The following DPP10 variants were observed in gnomAD, a reference collection of about 807,000 sequenced individuals.
DPP10 encodes dipeptidyl peptidase like 10.
In DPP10, 33 loss-of-function variants were observed where a neutral mutation model predicts 120.9. The ratio of observed to expected loss-of-function variants is 0.27; its 90% CI spans 0.21 to 0.37. The LOEUF (loss-of-function observed/expected upper bound fraction) is 0.37, where lower values mean the gene tolerates loss of function less well. DPP10 is among the 10% of genes least tolerant of loss of function. DPP10 has a pLI of 1.00. For missense variants in DPP10, 816 were observed against 942.8 expected (o/e 0.87, Z 1.76); for synonymous variants, 337 against 326.1 (o/e 1.03, Z -0.36).
chr2:115,110,396 A>G (rs4848380), intron 1 of DPP10, among the ~76,000 whole-genome samples: 31,316 of 152,088 alleles, frequency 0.21, 3,962 homozygotes, highest in East Asian at 0.36. Context: ...AAATAAATGA[A>G]TTACTAGGAA....
intron 5 of DPP10, among the ~76,000 whole-genome samples, chr2:115,597,993 C>A (rs2083090419): frequency 6.6e-6 from 1 of 151,976 alleles, no homozygotes; most frequent in Non-Finnish European, 1.5e-5. Context: ...CTTCCTCTCC[C>A]TTTTATCATT....
intron 1 of DPP10, among the ~76,000 whole-genome samples, chr2:115,205,308 A>G (rs1449369302): frequency 1.3e-5 from 2 of 152,168 alleles, no homozygotes; most frequent in Non-Finnish European, 2.9e-5. Flanking sequence ...TCTTCTGCAT[A>G]TGGTTAGCCA....
intron 1 of DPP10, among the ~76,000 whole-genome samples, chr2:114,942,298 CATATAT>C (rs752991108): frequency 9.6e-6 from 1 of 104,700 alleles, no homozygotes; most frequent in South Asian, 3.1e-4. Flanking sequence ...TATATATATA[CATATAT>C]ATATATATAT....
intron 21 of DPP10, 43 bp downstream of exon 21, chr2:115,815,772 A>T: frequency 6.5e-7 from 1 of 1,546,234 alleles, no homozygotes; most frequent in Non-Finnish European, 8.9e-7. Flanking sequence ...ATGCGTATCT[A>T]TGTTATGTAA....
intron 1 of DPP10, among the ~76,000 whole-genome samples, chr2:114,724,523 C>T (rs1701914826): frequency 6.6e-6 from 1 of 152,160 alleles, no homozygotes; most frequent in Non-Finnish European, 1.5e-5. Context: ...ACACAATAGA[C>T]TCATACATAC....
rs537588244 is a variant in DPP10, at chr2:115,385,927, C to T, written c.271+42015C>T. Among the ~76,000 whole-genome samples the T allele has an allele frequency of 1.9e-3, 287 of 152,188 alleles. 1 individual carries two copies. The highest frequency in any genetic ancestry group is 5.1e-3 in the African/African-American group (211 of 41,510). On this transcript the variant is annotated intron_variant, in intron 3 of 25. Coordinates refer to ENST00000410059, the MANE Select transcript of DPP10 (RefSeq NM_020868.6). ...TTTCCTCTTTGGTAAACAAAATTTC[C>T]GAAAGACAAGCAAATGGACTGTAAT...
chr2:115,040,205 G>A (rs571486857), intron 1 of DPP10, among the ~76,000 whole-genome samples: 25 of 151,770 alleles, frequency 1.6e-4, no homozygotes, highest in Non-Finnish European at 3.7e-4. Context: ...CATGAGATTT[G>A]GGCAGGGACA....
intron 3 of DPP10, among the ~76,000 whole-genome samples, chr2:115,351,410 C>T (rs1468173047): frequency 1.3e-5 from 2 of 151,942 alleles, no homozygotes; most frequent in Admixed American, 1.3e-4. Context: ...TGAAAAACTT[C>T]CTTTTGGGTA....
intron 1 of DPP10, among the ~76,000 whole-genome samples, chr2:114,563,565 A>G (rs1238723089): frequency 6.6e-6 from 1 of 152,192 alleles, no homozygotes; most frequent in Non-Finnish European, 1.5e-5. Flanking sequence ...TTCTTAGAGG[A>G]ATAAGCACAT....
At chr2:115,186,171 C>T (rs551776148) in intron 1 of DPP10, among the ~76,000 whole-genome samples, 5 of 152,292 alleles carry the variant, frequency 3.3e-5, no homozygotes, top group South Asian at 2.1e-4. Flanking sequence ...TGCGGAGCTC[C>T]GTTGTTTTTA....
At chr2:114,822,032 A>G (rs533844641) in intron 1 of DPP10, among the ~76,000 whole-genome samples, 2 of 152,240 alleles carry the variant, frequency 1.3e-5, no homozygotes, top group East Asian at 3.9e-4. Context: ...TCACAGCTCT[A>G]CTAGGTCCAC....
chr2:115,134,405 G>A (rs542165565), intron 1 of DPP10, among the ~76,000 whole-genome samples: 8 of 152,266 alleles, frequency 5.3e-5, no homozygotes, highest in East Asian at 1.9e-4. Context: ...GATGGTGCAC[G>A]TCGTAGACTG....
At chr2:115,675,000 A>G (rs1401724554) in intron 5 of DPP10, among the ~76,000 whole-genome samples, 8 of 152,172 alleles carry the variant, frequency 5.3e-5, no homozygotes, top group South Asian at 2.1e-4. Flanking sequence ...ATGTCTGCCT[A>G]TATTTTTATC....
chr2:115,232,174 G>A lies in DPP10; in HGVS notation c.61-77065G>A, dbSNP rs530929250. On this transcript the variant is annotated intron_variant, in intron 1 of 25. Transcript: ENST00000410059. ...CACCTTGGCATCGGAAGGCTCCCCT[G>A]TAACATTCTAGCCTGGGTCTCTACT... 1.7e-3 allele frequency among the ~76,000 whole-genome samples: 255 copies of A among 152,216 alleles called. 1 individual carries two copies. Among genetic ancestry groups the A allele is most frequent in the African/African-American group, 5.8e-3 (242 of 41,552 alleles).
At chr2:115,311,497 G>A (rs1364072174) in intron 2 of DPP10, among the ~76,000 whole-genome samples, 1 of 152,122 alleles carries the variant, frequency 6.6e-6, no homozygotes, top group Non-Finnish European at 1.5e-5. Context: ...CAAACGGAAA[G>A]GGACAAAATA....
intron 9 of DPP10, among the ~76,000 whole-genome samples, chr2:115,740,267 T>A (rs1422854402): frequency 3.3e-5 from 5 of 152,182 alleles, no homozygotes; most frequent in African/African-American, 1.2e-4. Flanking sequence ...AGTGCCATGG[T>A]CAAATACATT....
intron 1 of DPP10, among the ~76,000 whole-genome samples, chr2:114,752,455 TGACA>T (rs1393628683): frequency 1.3e-5 from 2 of 152,172 alleles, no homozygotes; most frequent in African/African-American, 2.4e-5. Context: ...AATTAAAAAC[TGACA>T]GACAGGCTGC....
chr2:115,184,405 G>A (rs572524106), intron 1 of DPP10, among the ~76,000 whole-genome samples: 65 of 152,274 alleles, frequency 4.3e-4, no homozygotes, highest in African/African-American at 1.5e-3. Context: ...GAAAAGTTGC[G>A]TGAATATCTG....
chr2:115,228,524 C>T (rs2057561847), intron 1 of DPP10, among the ~76,000 whole-genome samples: 1 of 152,122 alleles, frequency 6.6e-6, no homozygotes, highest in Non-Finnish European at 1.5e-5. Flanking sequence ...CACTACCACA[C>T]TACCATTCCC....
Sources: gnomAD v4.1 joint callset for allele counts (sites outside exome capture counted in the v4.1 genomes callset) on GRCh38, gnomAD v4.1.1 for gene constraint, MANE v1.5 for transcripts, NCBI Gene and HGNC (gene_info 2026-07-23, HGNC 2026-07-21) for gene names.